The following MARCHF10 variants were observed in gnomAD, a reference collection of about 807,000 sequenced individuals.
The protein encoded by MARCHF10 is probable E3 ubiquitin-protein ligase MARCHF10.
Under a neutral mutation model 76.2 loss-of-function variants are expected in MARCHF10, and 64 were observed. That is an observed-to-expected ratio of 0.84 (90% CI 0.69 to 1.03). The LOEUF (loss-of-function observed/expected upper bound fraction) is 1.03, where lower values mean the gene tolerates loss of function less well. MARCHF10 is among the 50% of genes least tolerant of loss of function. MARCHF10 has a pLI of 0.00. For synonymous variants in MARCHF10, 340 were observed against 357.5 expected (o/e 0.95, Z 0.55); for missense variants, 875 against 958.0 (o/e 0.91, Z 1.14).
intron 6 of MARCHF10, among the ~76,000 whole-genome samples, chr17:62,730,716 A>G (rs1221743068): frequency 6.6e-6 from 1 of 152,162 alleles, no homozygotes; most frequent in Non-Finnish European, 1.5e-5. Flanking sequence ...CAATGTGGTG[A>G]AACCCTGTCT....
chr17:62,736,041 G>A lies in MARCHF10; in HGVS notation c.1827C>T (p.Phe609=). The A allele has an allele frequency of 6.2e-7, 1 of 1,614,164 alleles. No homozygotes were observed. Among genetic ancestry groups the A allele is most frequent in the African/African-American group, 1.3e-5 (1 of 75,038 alleles). Residue 609 remains phenylalanine, a synonymous_variant, in exon 6 of 11, where the codon TTC becomes TTT. Coordinates refer to ENST00000311269, the MANE Select transcript of MARCHF10 (RefSeq NM_152598.4). ...TGCTCCCATTATCATTTTGATTTGGGAAATGAGACACTGCAAAGAAAGTAA... is the reference window on the plus strand; with the variant it reads ...TGCTCCCATTATCATTTTGATTTGGAAAATGAGACACTGCAAAGAAAGTAA... The part of the protein sequence containing the change: ...TPFTFFAVSH[F]PNQNDNGSRM...
intron 3 of MARCHF10, among the ~76,000 whole-genome samples, chr17:62,780,187 G>A (rs912951557): frequency 6.6e-6 from 1 of 151,722 alleles, no homozygotes; most frequent in Non-Finnish European, 1.5e-5. Flanking sequence ...AGTGCCACTA[G>A]GGATCTACAC....
intron 9 of MARCHF10, among the ~76,000 whole-genome samples, chr17:62,708,767 A>G (rs151332555): frequency 1.2e-3 from 182 of 152,312 alleles, no homozygotes; most frequent in African/African-American, 4.3e-3. Flanking sequence ...TGGTATCCAT[A>G]GTGCCAGGGA....
intron 2 of MARCHF10, 106 bp downstream of exon 2, chr17:62,801,540 G>T: frequency 1.0e-6 from 1 of 964,954 alleles, no homozygotes; most frequent in Non-Finnish European, 1.6e-6. Context: ...GGTGGGTTTG[G>T]ATTTTAGAAA....
chr17:62,725,739 G>T (rs1251092544), intron 6 of MARCHF10, among the ~76,000 whole-genome samples: 1 of 152,230 alleles, frequency 6.6e-6, no homozygotes, highest in East Asian at 1.9e-4. Context: ...GGTGGGGGTG[G>T]CATACTGGTG....
chr17:62,744,430 T>G lies in MARCHF10; in HGVS notation c.481A>C (p.Arg161=), dbSNP rs1256509236. ...ESHSPRASGD[R]SRQKQQWPAK... ...GGCCACTGCTGTTTCTGTCTGCTTC[T>G]GTCCCCAGATGCTCTCGGGCTGTGC... Residue 161 remains arginine, a synonymous_variant, in exon 5 of 11, where the codon AGA becomes CGA. Transcript: ENST00000311269. The G allele has an allele frequency of 4.3e-6, 7 of 1,614,226 alleles. No homozygotes were observed. The East Asian group carries it at 1.3e-4, about 31-fold the overall frequency.
At chr17:62,806,824 G>A (rs1044282729) in intron 1 of MARCHF10, among the ~76,000 whole-genome samples, 6 of 152,286 alleles carry the variant, frequency 3.9e-5, no homozygotes, top group South Asian at 2.1e-4. Flanking sequence ...TCATGCATAC[G>A]TACCATCCCT....
At chr17:62,769,241 C>T (rs2092396302) in intron 3 of MARCHF10, among the ~76,000 whole-genome samples, 1 of 152,296 alleles carries the variant, frequency 6.6e-6, no homozygotes, top group African/African-American at 2.4e-5. Context: ...TGTAAAGGTA[C>T]ATTTTTTCCC....
intron 2 of MARCHF10, among the ~76,000 whole-genome samples, chr17:62,790,737 T>C (rs1218973297): frequency 2.0e-5 from 3 of 152,204 alleles, no homozygotes; most frequent in East Asian, 3.9e-4. Context: ...TTTCACGCCA[T>C]GAGTAAGCCT....
At chr17:62,796,100 G>A (rs2092981040) in intron 2 of MARCHF10, among the ~76,000 whole-genome samples, 1 of 151,878 alleles carries the variant, frequency 6.6e-6, no homozygotes, top group South Asian at 2.1e-4. Context: ...CGCCTCCTGA[G>A]TTCAAGCTAT....
At chr17:62,778,133 A>G (rs1328612546) in intron 3 of MARCHF10, among the ~76,000 whole-genome samples, 1 of 152,166 alleles carries the variant, frequency 6.6e-6, no homozygotes, top group Non-Finnish European at 1.5e-5. Flanking sequence ...AGGGTGTTCT[A>G]AGAATACAAA....
intron 2 of MARCHF10, among the ~76,000 whole-genome samples, chr17:62,792,718 C>A (rs1451627370): frequency 6.7e-6 from 1 of 148,510 alleles, no homozygotes; most frequent in Non-Finnish European, 1.5e-5. Flanking sequence ...ACAACCATCA[C>A]CACCACCACC....
intron 5 of MARCHF10, among the ~76,000 whole-genome samples, chr17:62,740,060 G>A (rs2091450428): frequency 7.3e-6 from 1 of 136,108 alleles, no homozygotes; most frequent in Non-Finnish European, 1.7e-5. Flanking sequence ...GTGTGTGTGT[G>A]TGTGTGTGTG....
At chr17:62,795,382 A>AT (rs796751248) in intron 2 of MARCHF10, among the ~76,000 whole-genome samples, 2 of 112,004 alleles carry the variant, frequency 1.8e-5, no homozygotes, top group African/African-American at 7.3e-5. Flanking sequence ...AAAAAAAAAA[A>AT]AAGAAGCTAG....
chr17:62,738,448 A>G lies in MARCHF10; in HGVS notation c.536-1116T>C, dbSNP rs544489479. Among the ~76,000 whole-genome samples the G allele has an allele frequency of 9.2e-5, 14 of 152,124 alleles. No individual in the cohort carries two copies. Among genetic ancestry groups the G allele is most frequent in the African/African-American group, 2.9e-4 (12 of 41,420 alleles). On this transcript the variant is annotated intron_variant, in intron 5 of 10. Transcript: ENST00000311269. The surrounding 1 kb of genome is among the most constrained non-coding windows in gnomAD (Gnocchi z 4.0). ...CCACTTACCTTTATTCCCTCCTGAC[A>G]TCGGCCTCCCCCCGCTTTGTTCTCC...
intron 9 of MARCHF10, chr17:62,707,618 G>GAGGAGGGGCTGA (rs899222211): frequency 1.3e-5 from 2 of 152,432 alleles, no homozygotes; most frequent in Non-Finnish European, 2.9e-5. Flanking sequence ...GTCTGTCCTA[G>GAGGAGGGGCTGA]AGGAGGGGCT....
intron 4 of MARCHF10, among the ~76,000 whole-genome samples, chr17:62,747,267 G>C (rs1317039358): frequency 6.6e-6 from 1 of 152,154 alleles, no homozygotes; most frequent in African/African-American, 2.4e-5. Flanking sequence ...TTTTTGTTGT[G>C]CAGAACGCCC....
intron 5 of MARCHF10, among the ~76,000 whole-genome samples, chr17:62,741,036 T>G (rs1333548809): frequency 3.3e-5 from 5 of 152,224 alleles, no homozygotes; most frequent in African/African-American, 1.2e-4. Context: ...TATATCCACC[T>G]GCTCCCTGAA....
intron 8 of MARCHF10, among the ~76,000 whole-genome samples, chr17:62,717,233 G>A (rs1370609035): frequency 6.6e-6 from 1 of 152,212 alleles, no homozygotes; most frequent in Non-Finnish European, 1.5e-5. Context: ...GGACAGTCAG[G>A]GCTGCAGTGA....
Sources: allele counts gnomAD v4.1 joint callset (sites outside exome capture counted in the v4.1 genomes callset), GRCh38; gene constraint gnomAD v4.1.1; non-coding constraint Gnocchi (gnomAD v3.1); transcripts MANE v1.5; gene names NCBI Gene and HGNC (gene_info 2026-07-23, HGNC 2026-07-21).